The following NOL4L variants were observed in gnomAD, a reference collection of about 807,000 sequenced individuals.
NOL4L encodes the protein nucleolar protein 4-like.
Under a neutral mutation model 64.5 loss-of-function variants are expected in NOL4L, and 7 were observed. The ratio of observed to expected loss-of-function variants is 0.11; its 90% CI spans 0.06 to 0.20. The LOEUF (loss-of-function observed/expected upper bound fraction) is 0.20, where lower values mean the gene tolerates loss of function less well. NOL4L is among the 10% of genes least tolerant of loss of function. The pLI is 1.00. For synonymous variants in NOL4L, 413 were observed against 401.0 expected (o/e 1.03, Z -0.36); for missense variants, 680 against 967.1 (o/e 0.70, Z 3.94).
intron 4 of NOL4L, among the ~76,000 whole-genome samples, chr20:32,505,043 C>G (rs565733356): frequency 7.9e-5 from 12 of 152,346 alleles, no homozygotes; most frequent in African/African-American, 2.9e-4. Flanking sequence ...AGAAGGGAAT[C>G]ATCACTGCTA....
chr20:32,542,150 G>A (rs1189614717), intron 1 of NOL4L, among the ~76,000 whole-genome samples: 1 of 152,210 alleles, frequency 6.6e-6, no homozygotes, highest in African/African-American at 2.4e-5. Flanking sequence ...GCTTACCTGT[G>A]TCCTTATTCC....
chr20:32,453,523 C>T lies in NOL4L; in HGVS notation c.1306-28G>A, dbSNP rs369729251. On this transcript the variant is annotated intron_variant, in intron 7 of 10. Coordinates refer to ENST00000621426, the MANE Select transcript of NOL4L (RefSeq NM_001256798.2). The surrounding 1 kb of genome is among the most constrained non-coding windows in gnomAD (Gnocchi z 5.6). The stretch of plus-strand genomic sequence containing the variant: ...GTGGAGACACGGGCCATGGGAAGGG[C>T]TGGCCCTGGCCTTGCCCCCATCCCA... The T allele has an allele frequency of 6.8e-6, 11 of 1,613,378 alleles. No homozygotes were observed. The highest frequency in any genetic ancestry group is 9.3e-6 in the Non-Finnish European group (11 of 1,179,324).
intron 1 of NOL4L, among the ~76,000 whole-genome samples, chr20:32,561,706 C>G (rs940774176): frequency 6.6e-6 from 1 of 152,190 alleles, no homozygotes; most frequent in South Asian, 2.1e-4. Context: ...AGCATGGGCC[C>G]AAATCCCAGC....
chr20:32,475,405 G>C, intron 4 of NOL4L: 1 of 943,146 alleles, frequency 1.1e-6, no homozygotes, highest in African/African-American at 1.8e-5. Context: ...GACCGCAAAG[G>C]GGGTTCAGCT....
At position 32,460,969 on chromosome 20, in the gene NOL4L, C is replaced by A. The variant is rs571824753; in HGVS notation, c.842-4574G>T. 6.6e-6 allele frequency among the ~76,000 whole-genome samples: 1 copy of A among 152,358 alleles called. No individual in the cohort carries two copies. The highest frequency in any genetic ancestry group is 1.9e-4 in the East Asian group (1 of 5,180). On this transcript the variant is annotated intron_variant, in intron 5 of 10. Coordinates refer to ENST00000621426, the MANE Select transcript of NOL4L (RefSeq NM_001256798.2). The surrounding 1 kb of genome is among the most constrained non-coding windows in gnomAD (Gnocchi z 5.7). ...CCCGAGCACCACCACCTCAGGGAAGCCCTCCCTACCTGCCCCGATCTCCAT... is the reference window on the plus strand; with the variant it reads ...CCCGAGCACCACCACCTCAGGGAAGACCTCCCTACCTGCCCCGATCTCCAT...
At chr20:32,542,294 G>A (rs993966991) in intron 1 of NOL4L, among the ~76,000 whole-genome samples, 1 of 152,208 alleles carries the variant, frequency 6.6e-6, no homozygotes, top group Non-Finnish European at 1.5e-5. Flanking sequence ...ACATTTGAGA[G>A]CATGACCAAG....
At chr20:32,537,052 C>T in intron 1 of NOL4L, 2 of 984,380 alleles carry the variant, frequency 2.0e-6, no homozygotes, top group Non-Finnish European at 2.4e-6. Flanking sequence ...GGCGCACCTG[C>T]CCTGCCCCGC....
At chr20:32,532,482 G>T in intron 1 of NOL4L, 1 of 518,234 alleles carries the variant, frequency 1.9e-6, no homozygotes, top group Non-Finnish European at 2.5e-6. Context: ...GCTATCCCTT[G>T]CATCCATGGA....
intron 1 of NOL4L, among the ~76,000 whole-genome samples, chr20:32,532,945 C>A (rs1009729058): frequency 1.8e-4 from 27 of 152,202 alleles, no homozygotes; most frequent in African/African-American, 6.3e-4. Context: ...CCCCAAACAG[C>A]CTGCCAGAGC....
rs143375968 is a variant in NOL4L at position 32,541,212 on chromosome 20, G to T, written c.322-13299C>A. On this transcript the variant is annotated intron_variant, in intron 1 of 10. Coordinates refer to ENST00000621426, the MANE Select transcript of NOL4L (RefSeq NM_001256798.2). ...AAGGGCCAAGAGTGAAGACCATTTT[G>T]TCCTGTTCTCTGGCACACAGTAGGC... Among the ~76,000 whole-genome samples the T allele has an allele frequency of 1.6e-3, 237 of 152,216 alleles. 1 individual carries two copies. Among genetic ancestry groups the T allele is most frequent in the Non-Finnish European group, 3.0e-3 (204 of 68,014 alleles).
chr20:32,584,828 C>A lies in NOL4L; in HGVS notation c.63G>T (p.Ser21=). 1 of 1,513,896 alleles carries A rather than the reference C, an allele frequency of 6.6e-7. No individual in the cohort carries two copies. The highest frequency in any genetic ancestry group is 8.8e-7 in the Non-Finnish European group (1 of 1,134,148). The allele number at this position is 1,513,896 out of a possible 1,614,324, so 93.8% of individuals were successfully genotyped here. Residue 21 remains serine (S), a synonymous_variant, in exon 1 of 11, where the codon TCG becomes TCT. Coordinates refer to ENST00000621426, the MANE Select transcript of NOL4L (RefSeq NM_001256798.2). ...AGTCCCGGAACTGGCGGCCCAGCTCCGAGTCCCCGGGGCTGCGCTCGCGCT... is the reference window on the plus strand; with the variant it reads ...AGTCCCGGAACTGGCGGCCCAGCTCAGAGTCCCCGGGGCTGCGCTCGCGCT... ...GWERERSPGD[S]ELGRQFRDWC... is the part of the protein sequence containing the mutation.
At chr20:32,520,622 G>T (rs2017894153) in intron 3 of NOL4L, among the ~76,000 whole-genome samples, 189 bp downstream of exon 3, 1 of 152,208 alleles carries the variant, frequency 6.6e-6, no homozygotes, top group Non-Finnish European at 1.5e-5. Context: ...AGTGAAATTT[G>T]AGATTTAAAA....
At chr20:32,508,122 G>A (rs764010220) in intron 4 of NOL4L, among the ~76,000 whole-genome samples, 1 of 152,214 alleles carries the variant, frequency 6.6e-6, no homozygotes, top group Non-Finnish European at 1.5e-5. Context: ...AAACACTACA[G>A]ATGTCCTCTT....
At chr20:32,551,412 A>G (rs2018800424) in intron 1 of NOL4L, among the ~76,000 whole-genome samples, 1 of 149,930 alleles carries the variant, frequency 6.7e-6, no homozygotes, top group Non-Finnish European at 1.5e-5. Context: ...CATCATCATC[A>G]TCGTGAGCAT....
rs545758786 is a variant in NOL4L, at chr20:32,487,256, G to A, written c.700-12514C>T. ...GCACTCCAGCCTGGGCGACAGGAGCGAAACTCCATCTCAAAAAAAATTAAA... is the reference window on the plus strand; with the variant it reads ...GCACTCCAGCCTGGGCGACAGGAGCAAAACTCCATCTCAAAAAAAATTAAA... On this transcript the variant is annotated intron_variant, in intron 4 of 10. Transcript: ENST00000621426. Among the ~76,000 whole-genome samples, 6 of 151,962 alleles carry A rather than the reference G, an allele frequency of 3.9e-5. No homozygotes were observed. The South Asian group carries it at 6.2e-4, about 16-fold the overall frequency.
In NOL4L at chr20:32,470,282, C is replaced by T. The variant is rs999820335; in HGVS notation, c.841+4319G>A. The stretch of plus-strand genomic sequence containing the variant: ...CCTGCTGAAGCACATCCAGGGGAAA[C>T]GGAAGGAGTGGCCCCGCCTGCCGGG... On this transcript the variant is annotated intron_variant, in intron 5 of 10. Transcript: ENST00000621426. Among the ~76,000 whole-genome samples, 8 of 152,248 alleles carry T rather than the reference C, an allele frequency of 5.3e-5. No individual in the cohort carries two copies. In the South Asian group the frequency reaches 6.2e-4, roughly 12 times the overall value.
At chr20:32,562,320 T>C (rs1373799813) in intron 1 of NOL4L, among the ~76,000 whole-genome samples, 2 of 152,206 alleles carry the variant, frequency 1.3e-5, no homozygotes. Context: ...TTAGCAGTGC[T>C]GAACGCTGAC....
intron 10 of NOL4L, among the ~76,000 whole-genome samples, chr20:32,448,434 TTGTC>T (rs1327893706): frequency 6.6e-6 from 1 of 152,146 alleles, no homozygotes; most frequent in African/African-American, 2.4e-5. Context: ...GCTGCCCTGG[TTGTC>T]TGGGGGGAGA....
At chr20:32,491,858 A>G (rs932048028) in intron 4 of NOL4L, among the ~76,000 whole-genome samples, 3 of 152,192 alleles carry the variant, frequency 2.0e-5, no homozygotes, top group African/African-American at 7.2e-5. Context: ...GCTCACACCC[A>G]TAATCCCAGC....
Sources: gnomAD v4.1 joint callset for allele counts (sites outside exome capture counted in the v4.1 genomes callset) on GRCh38, gnomAD v4.1.1 for gene constraint, Gnocchi (gnomAD v3.1) non-coding constraint, MANE v1.5 for transcripts, NCBI Gene and HGNC (gene_info 2026-07-23, HGNC 2026-07-21) for gene names.